Variants in CDH8 observed in about 807,000 individuals in gnomAD.
The protein encoded by CDH8 is cadherin-8.
A neutral mutation model predicts 68.1 loss-of-function variants in CDH8; 17 were observed. The ratio of observed to expected loss-of-function variants is 0.25; its 90% CI spans 0.17 to 0.37. The LOEUF is 0.37. Ranked by LOEUF, CDH8 falls within the 10% of genes least tolerant of loss-of-function variation. CDH8 has a pLI of 1.00. For missense variants in CDH8, 763 were observed against 999.3 expected, an observed-to-expected ratio of 0.76 and a Z score of 3.19; for synonymous variants, 372 against 365.1, an observed-to-expected ratio of 1.02 and a Z score of -0.21.
At chr16:62,001,818 C>T (rs1965898889) in intron 2 of CDH8, among the ~76,000 whole-genome samples, 1 of 152,098 alleles carries the variant, frequency 6.6e-6, no homozygotes, top group South Asian at 2.1e-4. Context: ...CTATCCCTTC[C>T]CCCTCGCCCT....
chr16:62,014,571 A>T (rs1901891398), intron 2 of CDH8, among the ~76,000 whole-genome samples: 1 of 152,202 alleles, frequency 6.6e-6, no homozygotes, highest in African/African-American at 2.4e-5. Context: ...TGTCAAGTGC[A>T]ATTTTCTCAC....
At chr16:61,662,972 AT>A (rs1234031996) in intron 10 of CDH8, among the ~76,000 whole-genome samples, 1 of 151,978 alleles carries the variant, frequency 6.6e-6, no homozygotes, top group Non-Finnish European at 1.5e-5. Flanking sequence ...GAAAAACTCA[AT>A]TTTCAGGAGC....
intron 2 of CDH8, among the ~76,000 whole-genome samples, chr16:61,967,307 A>G (rs1965267664): frequency 6.6e-6 from 1 of 152,194 alleles, no homozygotes; most frequent in Non-Finnish European, 1.5e-5. Context: ...TGTATGGATG[A>G]TTGCAAATAG....
chr16:61,655,693 A>G lies in CDH8; in HGVS notation c.1683T>C (p.His561=), dbSNP rs34124175. 22,874 of 1,613,904 alleles carry G rather than the reference A, an allele frequency of 0.014. 195 individuals are homozygous for G. The highest frequency in any genetic ancestry group is 0.018 in the South Asian group (1,682 of 91,076). Residue 561 remains histidine (H), a synonymous_variant, in exon 11 of 12, where the codon CAT becomes CAC. Coordinates refer to ENST00000577390, the MANE Select transcript of CDH8 (RefSeq NM_001796.5). ...CTTGCTTCTGGCGGTTGAATCCATT[A>G]TGCTTTGCCAAAATACTGAGGGAAT... The part of the protein sequence containing the change: ...EDNSLSILAK[H]NGFNRQKQEV...
At chr16:61,849,020 T>G (rs1325574588) in intron 4 of CDH8, among the ~76,000 whole-genome samples, 1 of 152,054 alleles carries the variant, frequency 6.6e-6, no homozygotes, top group Non-Finnish European at 1.5e-5. Flanking sequence ...ATATAGGGAT[T>G]AAATAAGAGT....
chr16:61,911,635 C>A (rs911308828), intron 2 of CDH8, among the ~76,000 whole-genome samples: 3 of 150,636 alleles, frequency 2.0e-5, no homozygotes, highest in Non-Finnish European at 3.0e-5. Flanking sequence ...CCCCCCCCAC[C>A]ACCTCTCTCT....
chr16:61,971,958 T>C (rs11862860), intron 2 of CDH8, among the ~76,000 whole-genome samples: 3,171 of 152,262 alleles, frequency 0.021, 86 homozygotes, highest in African/African-American at 0.065. Flanking sequence ...TTGGAGTGTA[T>C]CAACGTAAGA....
At chr16:61,738,771 G>A (rs967606524) in intron 8 of CDH8, among the ~76,000 whole-genome samples, 9 of 151,834 alleles carry the variant, frequency 5.9e-5, no homozygotes, top group African/African-American at 1.7e-4. Context: ...TGTCTATACC[G>A]TGCATACAAA....
At chr16:61,724,481 C>G (rs1035976997) in intron 9 of CDH8, among the ~76,000 whole-genome samples, 1 of 150,496 alleles carries the variant, frequency 6.6e-6, no homozygotes, top group African/African-American at 2.4e-5. Context: ...AGAGTTTATA[C>G]AGCCTGGATT....
intron 8 of CDH8, among the ~76,000 whole-genome samples, chr16:61,755,504 ATAG>A (rs1960288863): frequency 6.6e-6 from 1 of 152,152 alleles, no homozygotes; most frequent in Admixed American, 6.6e-5. Context: ...ATATTTCAAA[ATAG>A]TAGAAATAAT....
At chr16:61,847,620 T>C (rs182185919) in intron 4 of CDH8, among the ~76,000 whole-genome samples, 58 of 150,316 alleles carry the variant, frequency 3.9e-4, no homozygotes, top group African/African-American at 1.3e-3. Flanking sequence ...ACTTATGATG[T>C]TTAACTCTCT....
chr16:61,670,154 A>G (rs534388890), intron 10 of CDH8, among the ~76,000 whole-genome samples: 1 of 152,084 alleles, frequency 6.6e-6, no homozygotes, highest in Admixed American at 6.6e-5. Context: ...CTCCCCTTCC[A>G]TCCAATAAAC....
chr16:61,906,694 G>T (rs1333144541), intron 2 of CDH8, among the ~76,000 whole-genome samples: 1 of 152,150 alleles, frequency 6.6e-6, no homozygotes, highest in African/African-American at 2.4e-5. Context: ...GTAAATATTT[G>T]TGGAGTAAAG....
chr16:61,988,349 G>T (rs1965660972), intron 2 of CDH8, among the ~76,000 whole-genome samples: 1 of 152,178 alleles, frequency 6.6e-6, no homozygotes, highest in Non-Finnish European at 1.5e-5. Context: ...CAGAACTATA[G>T]TCAGGGACAG....
chr16:61,657,495 A>G (rs911040735), intron 10 of CDH8, among the ~76,000 whole-genome samples: 1 of 152,144 alleles, frequency 6.6e-6, no homozygotes, highest in Non-Finnish European at 1.5e-5. Context: ...TTAAGCAGTT[A>G]TATACCAAAT....
chr16:61,657,116 T>C (rs1963463653), intron 10 of CDH8, among the ~76,000 whole-genome samples: 2 of 151,978 alleles, frequency 1.3e-5, no homozygotes, highest in African/African-American at 4.8e-5. Context: ...TACCTAATCA[T>C]TGCATGTAAT....
Position 61,652,892 on chromosome 16 carries a change from C to A in CDH8, c.*716G>T. On this transcript the variant is annotated 3_prime_UTR_variant, in exon 12 of 12. Transcript: ENST00000577390. ...AGATGAAGAGGAGGGAACGAGGAAT[C>A]CTGCTTCTAGAAAACAAGCATGTTT... is the stretch of plus-strand genomic sequence containing the variant. The A allele has an allele frequency of 6.6e-7, 1 of 1,525,840 alleles. No homozygotes were observed. Among genetic ancestry groups the A allele is most frequent in the Non-Finnish European group, 8.8e-7 (1 of 1,142,026 alleles). The allele number at this position is 1,525,840 out of a possible 1,614,324, so 94.5% of individuals were successfully genotyped here. A position where few individuals can be genotyped will look rare whatever the true frequency, so the allele number is the denominator to read the frequency against.
intron 2 of CDH8, among the ~76,000 whole-genome samples, chr16:62,000,939 T>C (rs1172894140): frequency 1.3e-5 from 2 of 152,206 alleles, no homozygotes; most frequent in Non-Finnish European, 2.9e-5. Flanking sequence ...AACAATTACA[T>C]AGCACCATTA....
chr16:61,812,687 C>T (rs557169675), intron 7 of CDH8, among the ~76,000 whole-genome samples: 1 of 152,124 alleles, frequency 6.6e-6, no homozygotes, highest in South Asian at 2.1e-4. Context: ...AAATAATTTG[C>T]TGCATATAAC....
Sources: allele counts gnomAD v4.1 joint callset (sites outside exome capture counted in the v4.1 genomes callset), GRCh38; gene constraint gnomAD v4.1.1; transcripts MANE v1.5; gene names NCBI Gene and HGNC (gene_info 2026-07-23, HGNC 2026-07-21).